The following CELF2 variants were observed in gnomAD, a reference collection of about 807,000 sequenced individuals.
CELF2 encodes the protein CUGBP Elav-like family member 2, also known as CUG triplet repeat RNA-binding protein 2.
CELF2 carries 8 observed loss-of-function variants against 62.6 expected under a neutral mutation model. The ratio of observed to expected loss-of-function variants is 0.13; its 90% CI spans 0.07 to 0.23. The LOEUF (loss-of-function observed/expected upper bound fraction) is 0.23, where lower values mean the gene tolerates loss of function less well. CELF2 is among the 10% of genes least tolerant of loss of function. The probability of loss-of-function intolerance (pLI) is 1.00; values close to 1 mark genes in which losing one functional copy is unlikely to be tolerated. For missense variants in CELF2, 333 were observed against 671.0 expected (o/e 0.50, Z 5.56); for synonymous variants, 258 against 250.0 (o/e 1.03, Z -0.30).
chr10:10,534,246 G>C, the CELF2 span, among the ~76,000 whole-genome samples: 1 of 151,296 alleles, frequency 6.6e-6, no homozygotes, highest in Admixed American at 6.6e-5. Context: ...GAAAAAGAGA[G>C]AGACAGAGAA....
chr10:11,331,911 T>TTGGGGTGTTTCCA lies in CELF2; in HGVS notation c.*2859_*2871dup, dbSNP rs2096030702. ...TATACTGTCATGATTTGAGTTTGTT[T>TTGGGGTGTTTCCA]TGGGGTGTTTCCAATTTGGATTTTT... On this transcript the variant is annotated 3_prime_UTR_variant, in exon 13 of 13. Coordinates refer to ENST00000633077, the MANE Select transcript of CELF2 (RefSeq NM_001326342.2). The TTGGGGTGTTTCCA allele has an allele frequency of 6.6e-6, 1 of 152,518 alleles. No individual in the cohort carries two copies. The highest frequency in any genetic ancestry group is 1.5e-5 in the Non-Finnish European group (1 of 68,046). The allele number at this position is 152,518 out of a possible 1,614,324, so 9.4% of individuals were successfully genotyped here.
chr10:11,314,047 C>A lies in CELF2; in HGVS notation c.977-92C>A. On this transcript the variant is annotated intron_variant, in intron 9 of 12. Transcript: ENST00000633077. The surrounding 1 kb of genome is among the most constrained non-coding windows in gnomAD (Gnocchi z 5.3). Reference sequence around the variant, plus strand: ...AGCCACAAGCACAGCTCCTCAGCTCCGTCCACTGAGATGATGACAGAAGGA... The same window carrying A: ...AGCCACAAGCACAGCTCCTCAGCTCAGTCCACTGAGATGATGACAGAAGGA... 7.7e-7 allele frequency: 1 copy of A among 1,293,078 alleles called. No individual in the cohort carries two copies. The highest frequency in any genetic ancestry group is 1.1e-6 in the Non-Finnish European group (1 of 916,142). The allele number at this position is 1,293,078 out of a possible 1,614,324, so 80.1% of individuals were successfully genotyped here. A position where few individuals can be genotyped will look rare whatever the true frequency, so the allele number is the denominator to read the frequency against.
chr10:11,285,870 TGTGTGTG>T lies in CELF2; in HGVS notation c.842-2547_842-2541del, dbSNP rs1370532981. Among the ~76,000 whole-genome samples the T allele has an allele frequency of 6.4e-5, 8 of 124,102 alleles. No individual in the cohort carries two copies. The highest frequency in any genetic ancestry group is 1.3e-4 in the Non-Finnish European group (8 of 62,846). The allele number at this position is 124,102 out of a possible 152,430, so 81.4% of individuals were successfully genotyped here. On this transcript the variant is annotated intron_variant, in intron 8 of 12. Transcript: ENST00000633077. The surrounding 1 kb of genome is among the most constrained non-coding windows in gnomAD (Gnocchi z 4.3). ...GTGTGTGTGTGTGTGTGTGTGTGTG[TGTGTGTG>T]TTTTTACATGGACTTGAAAATGAGT... is the stretch of plus-strand genomic sequence containing the variant.
chr10:10,665,053 C>T, the CELF2 span, among the ~76,000 whole-genome samples: 2 of 152,120 alleles, frequency 1.3e-5, no homozygotes. Context: ...GTAGTGTTGC[C>T]TTCTTTGGTT....
Position 11,288,497 on chromosome 10 carries a change from C to G in CELF2, c.921C>G (p.Thr307=). ...AAAAQTSATS[T]NANPLSTTSS... ...CGGCCCAGACCTCAGCCACCAGCAC[C>G]AATGCAAACCCTCTCTCTACCACGA... is the stretch of plus-strand genomic sequence containing the variant. Residue 307 remains threonine (T), a synonymous_variant, in exon 9 of 13, where the codon ACC becomes ACG. Coordinates refer to ENST00000633077, the MANE Select transcript of CELF2 (RefSeq NM_001326342.2). The G allele has an allele frequency of 6.2e-7, 1 of 1,613,974 alleles. No homozygotes were observed. Among genetic ancestry groups the G allele is most frequent in the Non-Finnish European group, 8.5e-7 (1 of 1,180,032 alleles).
the CELF2 span, among the ~76,000 whole-genome samples, chr10:10,500,374 C>T: frequency 1.2e-4 from 18 of 152,222 alleles, no homozygotes; most frequent in East Asian, 1.9e-4. Flanking sequence ...CATCTTGAAT[C>T]GTAGCTTCTA....
chr10:10,911,970 GGGTCTTGTTTTAGCT>G (rs2063851903), intron 1 of CELF2, among the ~76,000 whole-genome samples: 1 of 152,204 alleles, frequency 6.6e-6, no homozygotes, highest in Non-Finnish European at 1.5e-5. Flanking sequence ...GTTTATTTAA[GGGTCTTGTTTTAGCT>G]GATCAGCATT....
intron 1 of CELF2, among the ~76,000 whole-genome samples, chr10:11,129,857 T>C (rs1229072817): frequency 2.0e-5 from 3 of 152,216 alleles, no homozygotes; most frequent in East Asian, 1.9e-4. Context: ...AAGGGTTTTT[T>C]ATGTCTCTGT....
chr10:10,470,709 C>T, the CELF2 span, among the ~76,000 whole-genome samples: 1 of 151,252 alleles, frequency 6.6e-6, no homozygotes, highest in Non-Finnish European at 1.5e-5. Flanking sequence ...TGTGATGATA[C>T]TGGACCCGCC....
chr10:10,805,194 C>T (rs995361392), intron 1 of CELF2, among the ~76,000 whole-genome samples: 3 of 152,136 alleles, frequency 2.0e-5, no homozygotes, highest in Non-Finnish European at 2.9e-5. Context: ...TGTAAAGTTC[C>T]GGTCACTCAT....
chr10:10,996,846 G>C (rs951368228), intron 2 of CELF2, among the ~76,000 whole-genome samples: 3 of 152,012 alleles, frequency 2.0e-5, no homozygotes, highest in African/African-American at 7.3e-5. Flanking sequence ...CCCCTGGGAG[G>C]TGCTGCCCAC....
the CELF2 span, among the ~76,000 whole-genome samples, chr10:10,652,107 G>A: frequency 4.0e-5 from 5 of 126,148 alleles, no homozygotes; most frequent in African/African-American, 1.5e-4. Flanking sequence ...CGATCAACTG[G>A]AAGAAAGGGT....
chr10:10,886,794 C>T (rs1021222170), intron 1 of CELF2, among the ~76,000 whole-genome samples: 1 of 152,180 alleles, frequency 6.6e-6, no homozygotes. Flanking sequence ...TGTGATCACA[C>T]CACTGCACTC....
the CELF2 span, among the ~76,000 whole-genome samples, chr10:10,555,606 C>T: frequency 1.1e-4 from 17 of 152,126 alleles, no homozygotes; most frequent in African/African-American, 3.4e-4. Flanking sequence ...CTGTGAATGA[C>T]CTAGGTTGTG....
At chr10:11,184,841 A>T (rs2074402172) in intron 2 of CELF2, among the ~76,000 whole-genome samples, 1 of 152,194 alleles carries the variant, frequency 6.6e-6, no homozygotes, top group Non-Finnish European at 1.5e-5. Flanking sequence ...ACATAAAGAC[A>T]GTTCTACTTC....
intron 1 of CELF2, chr10:11,102,139 A>G (rs2142608810): frequency 6.6e-6 from 1 of 152,278 alleles, no homozygotes; most frequent in East Asian, 1.9e-4. Flanking sequence ...TAGTTTCTGA[A>G]TTTGACATTC....
Position 11,290,388 on chromosome 10 carries a change from T to G in CELF2, c.976+1836T>G, listed in dbSNP as rs1031557672. Among the ~76,000 whole-genome samples, 1 of 151,084 alleles carries G rather than the reference T, an allele frequency of 6.6e-6. No individual in the cohort carries two copies. The highest frequency in any genetic ancestry group is 2.4e-5 in the African/African-American group (1 of 40,980). ...AGCCAGTGGGTGGGGGAGAGCGGAG[T>G]GGGGGCTCTGTGGTGGACCGCGTCC... On this transcript the variant is annotated intron_variant, in intron 9 of 12. Coordinates refer to ENST00000633077, the MANE Select transcript of CELF2 (RefSeq NM_001326342.2). This position sits in a 1 kb window ranked among gnomAD's most constrained non-coding sequence, Gnocchi z 4.3.
chr10:11,078,144 C>T (rs2072683436), intron 1 of CELF2, among the ~76,000 whole-genome samples: 1 of 151,294 alleles, frequency 6.6e-6, no homozygotes, highest in Non-Finnish European at 1.5e-5. Flanking sequence ...CTAATAGATA[C>T]AGATACTTGA....
intron 1 of CELF2, among the ~76,000 whole-genome samples, chr10:11,151,851 C>T (rs926964006): frequency 6.6e-6 from 1 of 152,148 alleles, no homozygotes; most frequent in African/African-American, 2.4e-5. Flanking sequence ...CTTCTTTTCC[C>T]ACTCTGCCCT....
Sources: gnomAD v4.1 joint callset for allele counts (sites outside exome capture counted in the v4.1 genomes callset) on GRCh38, gnomAD v4.1.1 for gene constraint, Gnocchi (gnomAD v3.1) non-coding constraint, MANE v1.5 for transcripts, NCBI Gene and HGNC (gene_info 2026-07-23, HGNC 2026-07-21) for gene names.